RSAD1: variants seen among roughly 807,000 people sequenced by gnomAD.
RSAD1 encodes radical S-adenosyl methionine domain containing 1.
Under a neutral mutation model 46.2 loss-of-function variants are expected in RSAD1, and 34 were observed. That is an observed-to-expected ratio of 0.74 (90% CI 0.56 to 0.98). The LOEUF (loss-of-function observed/expected upper bound fraction) is 0.98. RSAD1 is among the 50% of genes least tolerant of loss of function. The pLI, the probability that RSAD1 is intolerant of heterozygous loss-of-function variation, is 0.00. For missense variants in RSAD1, 635 were observed against 592.3 expected (o/e 1.07, Z -0.75); for synonymous variants, 260 against 253.5 (o/e 1.03, Z -0.24).
intron 3 of RSAD1, chr17:50,480,755 G>A (rs773465339): frequency 2.6e-5 from 4 of 152,748 alleles, no homozygotes; most frequent in East Asian, 1.9e-4. Flanking sequence ...GTTGACCTCC[G>A]ATATTTCCGT....
At position 50,479,538 on chromosome 17, in the gene RSAD1, A is replaced by AGGGGTG. The variant is rs1000136382; in HGVS notation, c.136-81_136-76dup. The AGGGGTG allele has an allele frequency of 3.6e-6, 5 of 1,388,456 alleles. No individual in the cohort carries two copies. The Admixed American group carries it at 9.3e-5, about 26-fold the overall frequency. 86.0% of individuals were successfully genotyped at this position (1,388,456 alleles called of 1,614,324 possible). On this transcript the variant is annotated intron_variant, in intron 1 of 8. Coordinates refer to ENST00000258955, the MANE Select transcript of RSAD1 (RefSeq NM_018346.3). ...AGCTACTGTGGAAAGACCTCGGGAT[A>AGGGGTG]GGGGTGGGGGTGGGGTTGGGGGTGT... is the stretch of plus-strand genomic sequence containing the variant.
At chr17:50,480,329 A>G (rs1378626811) in intron 3 of RSAD1, 2 of 534,604 alleles carry the variant, frequency 3.7e-6, no homozygotes, top group East Asian at 6.5e-5. Context: ...TGCCTGGCAC[A>G]TAGTAGGTGG....
Position 50,484,742 on chromosome 17 carries a change from A to G in RSAD1, c.1212-2A>G, listed in dbSNP as rs1004712025. On this transcript the variant is annotated splice_acceptor_variant, in intron 8 of 8. Transcript: ENST00000258955. LOFTEE classifies it high-confidence loss of function. ...TCACCTTCAGGCCTCTTGGTTTTCC[A>G]GGGGTCTTCGGTGTTCCTGGGAGGG... The G allele has an allele frequency of 6.2e-7, 1 of 1,612,206 alleles. No individual in the cohort carries two copies. The highest frequency in any genetic ancestry group is 1.3e-5 in the African/African-American group (1 of 74,836).
intron 2 of RSAD1, 44 bp from the exon 3 acceptor site, chr17:50,479,836 C>G (rs1356487966): frequency 3.8e-6 from 6 of 1,594,048 alleles, no homozygotes; most frequent in Non-Finnish European, 5.1e-6. Flanking sequence ...GCAGGCATCC[C>G]AGAGGGCTCC....
Position 50,478,882 on chromosome 17 carries a change from G to GC in RSAD1, c.-1dup. The GC allele has an allele frequency of 1.6e-6, 2 of 1,286,638 alleles. No homozygotes were observed. Among genetic ancestry groups the GC allele is most frequent in the Non-Finnish European group, 2.0e-6 (2 of 1,020,982 alleles). The allele number at this position is 1,286,638 out of a possible 1,614,324, so 79.7% of individuals were successfully genotyped here. A position where few individuals can be genotyped will look rare whatever the true frequency, so the allele number is the denominator to read the frequency against. The stretch of plus-strand genomic sequence containing the variant: ...GTCAGTGCGCCGCGCTGCGCTGGGC[G>GC]CCATGGCGCTCCCCGGAGCCCGGGC... On this transcript the variant is annotated 5_prime_UTR_variant, in exon 1 of 9. Transcript: ENST00000258955.
In RSAD1 at chr17:50,480,419, A is replaced by G. The variant is rs997215241; in HGVS notation, c.474+335A>G. The G allele has an allele frequency of 6.2e-5, 21 of 337,860 alleles. 1 individual carries two copies. Among genetic ancestry groups the G allele is most frequent in the South Asian group, 5.5e-4 (21 of 38,088 alleles). 20.9% of individuals were successfully genotyped at this position (337,860 alleles called of 1,614,324 possible). On this transcript the variant is annotated intron_variant, in intron 3 of 8. Coordinates refer to ENST00000258955, the MANE Select transcript of RSAD1 (RefSeq NM_018346.3). ...GCAGCATGGTAAATGTCACCTGTAA[A>G]GGGGGTCTCTATAAAAGGCTTCTAG... is the stretch of plus-strand genomic sequence containing the variant.
chr17:50,484,626 G>A, intron 8 of RSAD1, 81 bp downstream of exon 8: 1 of 1,541,908 alleles, frequency 6.5e-7, no homozygotes, highest in Non-Finnish European at 8.9e-7. Flanking sequence ...CCCAGGAGAA[G>A]TGAGAAAGAC....
Position 50,482,047 on chromosome 17 carries a change from C to G in RSAD1, c.475-44C>G, listed in dbSNP as rs1464844020. On this transcript the variant is annotated intron_variant, in intron 3 of 8. Coordinates refer to ENST00000258955, the MANE Select transcript of RSAD1 (RefSeq NM_018346.3). ...ACAATGGGGAGGAGGGTTCTTGTCT[C>G]TCTCTGAGCTGCTGGTATGCTTACA... is the stretch of plus-strand genomic sequence containing the variant. 4.7e-6 allele frequency: 7 copies of G among 1,490,616 alleles called. No homozygotes were observed. The South Asian group carries it at 6.8e-5, about 15-fold the overall frequency. The allele number at this position is 1,490,616 out of a possible 1,614,324, so 92.3% of individuals were successfully genotyped here. A position where few individuals can be genotyped will look rare whatever the true frequency, so the allele number is the denominator to read the frequency against.
intron 7 of RSAD1, 137 bp downstream of exon 7, chr17:50,483,897 G>C: frequency 1.2e-6 from 1 of 804,546 alleles, no homozygotes; most frequent in Non-Finnish European, 1.9e-6. Context: ...CCCAGGTCCA[G>C]CTGAGGCCTG....
Position 50,482,656 on chromosome 17 carries a change from C to T in RSAD1, c.854C>T (p.Thr285Ile). The change falls in exon 5 of 9, where the codon ACC becomes ATC. Residue 285 changes from threonine to isoleucine, a missense_variant. Physicochemically the swap from Thr to Ile is moderately conservative, Grantham distance 89. Coordinates refer to ENST00000258955, the MANE Select transcript of RSAD1 (RefSeq NM_018346.3). ...CCCTCCCCGCAGGGGGCGCTCAGTA[C>T]CCACAATTGGACTTACTGGCAGTGT... ...SNFARNGALSTHNWTYWQCGQ... is the reference protein window; with the variant it reads ...SNFARNGALSIHNWTYWQCGQ... 1.2e-6 allele frequency: 2 copies of T among 1,614,176 alleles called. No homozygotes were observed. The highest frequency in any genetic ancestry group is 1.7e-6 in the Non-Finnish European group (2 of 1,180,032).
chr17:50,478,893 C>G lies in RSAD1; in HGVS notation c.9C>G (p.Leu3=), dbSNP rs1039258623. The change falls in exon 1 of 9, where the codon CTC becomes CTG. Residue 3 remains leucine (L), a synonymous_variant. Coordinates refer to ENST00000258955, the MANE Select transcript of RSAD1 (RefSeq NM_018346.3). ...GCGCTGCGCTGGGCGCCATGGCGCTCCCCGGAGCCCGGGCTCGCGGCTGGG... is the reference window on the plus strand; with the variant it reads ...GCGCTGCGCTGGGCGCCATGGCGCTGCCCGGAGCCCGGGCTCGCGGCTGGG... MA[L]PGARARGWAA... 2 of 1,311,160 alleles carry G rather than the reference C, an allele frequency of 1.5e-6. No homozygotes were observed. Among genetic ancestry groups the G allele is most frequent in the Non-Finnish European group, 9.6e-7 (1 of 1,037,760 alleles). The allele number at this position is 1,311,160 out of a possible 1,614,324, so 81.2% of individuals were successfully genotyped here. A position where few individuals can be genotyped will look rare whatever the true frequency, so the allele number is the denominator to read the frequency against.
At position 50,484,424 on chromosome 17, in the gene RSAD1, ACCCTCTGGCTT is replaced by A. The variant is rs1208281043; in HGVS notation, c.1108-14_1108-4del. The A allele has an allele frequency of 5.6e-6, 9 of 1,611,366 alleles. No individual in the cohort carries two copies. The highest frequency in any genetic ancestry group is 7.6e-6 in the Non-Finnish European group (9 of 1,178,740). ...TAGCCAGGCCAGCTCCCCACCTCTG[ACCCTCTGGCTT>A]CCCCAGCACTGGCAGCAGTTTGAGC... On this transcript the variant is annotated splice_region_variant and splice_polypyrimidine_tract_variant and intron_variant, in intron 7 of 8. Transcript: ENST00000258955.
rs954320245 is a variant in RSAD1, at chr17:50,482,769, G to C, written c.904+63G>C. ...AGGAATGTCGTGGCTGTGTGAACTT[G>C]GGCCACATTAACCTCTCCAAGCCTC... is the stretch of plus-strand genomic sequence containing the variant. On this transcript the variant is annotated intron_variant, in intron 5 of 8. Coordinates refer to ENST00000258955, the MANE Select transcript of RSAD1 (RefSeq NM_018346.3). 2.7e-6 allele frequency: 4 copies of C among 1,504,632 alleles called. No homozygotes were observed. The African/African-American group carries it at 4.2e-5, about 16-fold the overall frequency. The allele number at this position is 1,504,632 out of a possible 1,614,324, so 93.2% of individuals were successfully genotyped here. A position where few individuals can be genotyped will look rare whatever the true frequency, so the allele number is the denominator to read the frequency against.
intron 5 of RSAD1, among the ~76,000 whole-genome samples, chr17:50,482,962 C>T (rs2033400197): frequency 6.6e-6 from 1 of 151,628 alleles, no homozygotes; most frequent in African/African-American, 2.4e-5. Context: ...GGGCCCCACC[C>T]TCAGAATTCC....
chr17:50,479,446 C>A, intron 1 of RSAD1, 183 bp from the exon 2 acceptor site: 1 of 648,684 alleles, frequency 1.5e-6, no homozygotes, highest in Non-Finnish European at 2.5e-6. Context: ...TCAGTTTTCT[C>A]ACATTGAAGT....
At position 50,484,809 on chromosome 17, in the gene RSAD1, A is replaced by G. The variant is rs776062298; in HGVS notation, c.1277A>G (p.Gln426Arg). The G allele has an allele frequency of 4.3e-6, 7 of 1,614,048 alleles. 1 individual carries two copies. The South Asian group carries it at 5.5e-5, about 13-fold the overall frequency. ...TCTCTCTTGCTGACCCTCCTGCCTC[A>G]GCTCCAAGAAGCCTGGCAGCAGAGA... is the stretch of plus-strand genomic sequence containing the variant. ...LDSLLLTLLP[Q>R]LQEAWQQRTP... The change falls in exon 9 of 9, where the codon CAG becomes CGG. Residue 426 changes from glutamine to arginine, a missense_variant. Coordinates refer to ENST00000258955, the MANE Select transcript of RSAD1 (RefSeq NM_018346.3).
chr17:50,482,561 C>G (rs547588967), intron 4 of RSAD1, 82 bp from the exon 5 acceptor site: 1 of 1,612,238 alleles, frequency 6.2e-7, no homozygotes, highest in Non-Finnish European at 8.5e-7. Flanking sequence ...GATGGTGGGA[C>G]ATTCTAACCT....
intron 7 of RSAD1, 120 bp downstream of exon 7, chr17:50,483,880 A>AGT (rs1363810840): frequency 5.7e-5 from 55 of 969,804 alleles, no homozygotes; most frequent in Non-Finnish European, 5.5e-5. Flanking sequence ...GGCAGCTAGA[A>AGT]GTGGGGCCCA....
chr17:50,480,749 A>T (rs1013496519), intron 3 of RSAD1: 4 of 151,988 alleles, frequency 2.6e-5, no homozygotes, highest in African/African-American at 9.7e-5. Flanking sequence ...TCTCAGGTTG[A>T]CCTCCGATAT....
Sources: gnomAD v4.1 joint callset for allele counts (sites outside exome capture counted in the v4.1 genomes callset) on GRCh38, gnomAD v4.1.1 for gene constraint, MANE v1.5 for transcripts, NCBI Gene and HGNC (gene_info 2026-07-23, HGNC 2026-07-21) for gene names.